FANCC: variants seen among roughly 807,000 people sequenced by gnomAD.
FANCC encodes the protein FA complementation group C.
A neutral mutation model predicts 71.3 loss-of-function variants in FANCC; 55 were observed. That is an observed-to-expected ratio of 0.77 (90% CI 0.62 to 0.97). The LOEUF (loss-of-function observed/expected upper bound fraction) is 0.97, where lower values mean the gene tolerates loss of function less well. Ranked by LOEUF, FANCC falls within the 50% of genes least tolerant of loss-of-function variation. FANCC has a pLI of 0.00. For missense variants in FANCC, 678 were observed against 670.9 expected, an observed-to-expected ratio of 1.01 and a Z score of -0.12; for synonymous variants, 275 against 244.9, an observed-to-expected ratio of 1.12 and a Z score of -1.15.
intron 1 of FANCC, chr9:95,294,711 CT>C: frequency 1.2e-6 from 2 of 1,602,410 alleles, no homozygotes; most frequent in South Asian, 2.2e-5. Flanking sequence ...CAATGGACGA[CT>C]TTCTTCTGGC....
At chr9:95,281,882 T>G (rs947244765) in intron 1 of FANCC, among the ~76,000 whole-genome samples, 2 of 150,214 alleles carry the variant, frequency 1.3e-5, no homozygotes, top group African/African-American at 4.9e-5. Context: ...ATAAGTCCCA[T>G]GGTAACCACA....
At chr9:95,184,515 T>A (rs1826589049) in intron 4 of FANCC, among the ~76,000 whole-genome samples, 1 of 152,076 alleles carries the variant, frequency 6.6e-6, no homozygotes, top group African/African-American at 2.4e-5. Context: ...CAAAGAAGAT[T>A]CGTGTTACAA....
chr9:95,207,327 CA>C, intron 4 of FANCC, among the ~76,000 whole-genome samples: 1 of 152,244 alleles, frequency 6.6e-6, no homozygotes, highest in East Asian at 1.9e-4. Flanking sequence ...AAAGTCAAAA[CA>C]ACCAAAAAAT....
At chr9:95,139,795 G>A (rs1828311140) in intron 7 of FANCC, among the ~76,000 whole-genome samples, 1 of 147,706 alleles carries the variant, frequency 6.8e-6, no homozygotes, top group Non-Finnish European at 1.5e-5. Context: ...TATGCCTTGT[G>A]CTGTATTGTT....
intron 13 of FANCC, chr9:95,110,852 A>G (rs2071859428): frequency 8.5e-7 from 1 of 1,179,740 alleles, no homozygotes; most frequent in Non-Finnish European, 1.1e-6. Flanking sequence ...TCCACATAAA[A>G]TAACAACTGT....
At position 95,249,129 on chromosome 9, in the gene FANCC, T is replaced by C. The variant is rs2136100336; in HGVS notation, c.163A>G (p.Met55Val). 2 of 1,613,824 alleles carry C rather than the reference T, an allele frequency of 1.2e-6. No individual in the cohort carries two copies. Among genetic ancestry groups the C allele is most frequent in the South Asian group, 2.2e-5 (2 of 91,070 alleles). Residue 55 changes from methionine to valine, a missense_variant and splice_region_variant, in exon 2 of 15, where the codon ATG becomes GTG. Physicochemically the swap from Met to Val is conservative, Grantham distance 21. Coordinates refer to ENST00000289081, the MANE Select transcript of FANCC (RefSeq NM_000136.3). ...CATTATTCTGGTCCACTACTTACCA[T>C]CTCTTTCAAGGCTTCATACATCTTC... Reference protein sequence around the residue: ...LRKMYEALKEMDSNTVIERFP... With the variant: ...LRKMYEALKEVDSNTVIERFP...
chr9:95,188,593 A>G (rs1188641986), intron 4 of FANCC, among the ~76,000 whole-genome samples: 2 of 152,224 alleles, frequency 1.3e-5, no homozygotes, highest in Non-Finnish European at 2.9e-5. Flanking sequence ...GCTCCTGTCC[A>G]TAATTTCAAA....
At chr9:95,183,468 T>A (rs1826505540) in intron 4 of FANCC, among the ~76,000 whole-genome samples, 1 of 152,362 alleles carries the variant, frequency 6.6e-6, no homozygotes, top group Non-Finnish European at 1.5e-5. Context: ...TTACAGCTAG[T>A]GAAGAACATA....
At chr9:95,264,067 G>C (rs1489746210) in intron 1 of FANCC, among the ~76,000 whole-genome samples, 1 of 152,216 alleles carries the variant, frequency 6.6e-6, no homozygotes, top group African/African-American at 2.4e-5. Flanking sequence ...AAACAGCAAA[G>C]AAGAATCACA....
chr9:95,153,655 A>T (rs1830304310), intron 6 of FANCC, among the ~76,000 whole-genome samples: 1 of 151,994 alleles, frequency 6.6e-6, no homozygotes, highest in Non-Finnish European at 1.5e-5. Flanking sequence ...TCCTTTGCCC[A>T]CTGTTTGATG....
At chr9:95,126,437 A>G in intron 9 of FANCC, 92 bp downstream of exon 9, 1 of 1,238,162 alleles carries the variant, frequency 8.1e-7, no homozygotes, top group East Asian at 2.4e-5. Context: ...TCCCCATGAT[A>G]CAGCCAGAGA....
At chr9:95,207,450 C>T (rs1670043670) in intron 4 of FANCC, among the ~76,000 whole-genome samples, 1 of 152,146 alleles carries the variant, frequency 6.6e-6, no homozygotes, top group Non-Finnish European at 1.5e-5. Flanking sequence ...AGATTATTTG[C>T]ACAGGTTAAG....
intron 3 of FANCC, among the ~76,000 whole-genome samples, chr9:95,247,209 A>ATG (rs1554857723): frequency 7.8e-5 from 10 of 127,482 alleles, no homozygotes; most frequent in African/African-American, 3.1e-4. Flanking sequence ...GGGTGCGTGC[A>ATG]CGCGTGTGTG....
chr9:95,237,005 C>G (rs1312038449), intron 4 of FANCC, among the ~76,000 whole-genome samples: 1 of 152,160 alleles, frequency 6.6e-6, no homozygotes, highest in Non-Finnish European at 1.5e-5. Context: ...GCTGCATTTA[C>G]AGCCAACATG....
chr9:95,107,868 A>G (rs779887255), intron 13 of FANCC, among the ~76,000 whole-genome samples: 1 of 152,220 alleles, frequency 6.6e-6, no homozygotes, highest in Non-Finnish European at 1.5e-5. Context: ...CAGAGGCCAC[A>G]AGTCTGTGGA....
rs548260312 is a variant in FANCC, at chr9:95,115,856, G to A, written c.1073-1146C>T. On this transcript the variant is annotated intron_variant, in intron 11 of 14. Transcript: ENST00000289081. ...TTCCTCCACTTGTAGTGTCTACACA[G>A]TCAGGGCTCGTAAGTGATCCTCTTT... Among the ~76,000 whole-genome samples the A allele has an allele frequency of 7.9e-4, 120 of 152,312 alleles. 2 individuals carry two copies. Among genetic ancestry groups the A allele is most frequent in the Middle Eastern group, 6.8e-3 (2 of 294 alleles).
chr9:95,206,588 T>C (rs1294124987), intron 4 of FANCC, among the ~76,000 whole-genome samples: 1 of 152,196 alleles, frequency 6.6e-6, no homozygotes, highest in African/African-American at 2.4e-5. Flanking sequence ...ACCGTACATC[T>C]AACGCTGCAA....
At chr9:95,172,828 AG>A (rs1464533994) in intron 4 of FANCC, among the ~76,000 whole-genome samples, 2 of 152,250 alleles carry the variant, frequency 1.3e-5, no homozygotes, top group African/African-American at 4.8e-5. Flanking sequence ...TATCTGAATG[AG>A]AAAGAACTCT....
intron 4 of FANCC, among the ~76,000 whole-genome samples, chr9:95,230,139 G>GT (rs1829910678): frequency 6.6e-6 from 1 of 152,112 alleles, no homozygotes; most frequent in Non-Finnish European, 1.5e-5. Flanking sequence ...ATCAATGCAG[G>GT]TATTTCTTTA....
Sources: gnomAD v4.1 joint callset for allele counts (sites outside exome capture counted in the v4.1 genomes callset) on GRCh38, gnomAD v4.1.1 for gene constraint, MANE v1.5 for transcripts, NCBI Gene and HGNC (gene_info 2026-07-23, HGNC 2026-07-21) for gene names.